The following PTPN9 variants were observed in gnomAD, a reference collection of about 807,000 sequenced individuals.
PTPN9 encodes protein tyrosine phosphatase non-receptor type 9.
PTPN9 carries 26 observed loss-of-function variants against 69.8 expected under a neutral mutation model. The observed-to-expected ratio is 0.37, with a 90% confidence interval of 0.27 to 0.52. The LOEUF (loss-of-function observed/expected upper bound fraction) is 0.52. PTPN9 is among the 20% of genes least tolerant of loss of function. The pLI is 0.91. For missense variants in PTPN9, 549 were observed against 740.3 expected, an observed-to-expected ratio of 0.74 and a Z score of 3.00; for synonymous variants, 274 against 272.5, an observed-to-expected ratio of 1.01 and a Z score of -0.05.
intron 7 of PTPN9, among the ~76,000 whole-genome samples, chr15:75,503,344 G>A (rs1459957145): frequency 2.7e-5 from 4 of 145,958 alleles, no homozygotes; most frequent in Non-Finnish European, 4.5e-5. Flanking sequence ...TCTGGGAGGT[G>A]AGGAGCGTCT....
At chr15:75,527,889 C>T (rs2074937909) in intron 1 of PTPN9, among the ~76,000 whole-genome samples, 1 of 151,214 alleles carries the variant, frequency 6.6e-6, no homozygotes, top group Non-Finnish European at 1.5e-5. Flanking sequence ...AAAAAGAAAA[C>T]AAAAAGAAAA....
intron 1 of PTPN9, among the ~76,000 whole-genome samples, chr15:75,544,112 T>C (rs1394922714): frequency 1.3e-5 from 2 of 151,990 alleles, no homozygotes; most frequent in Admixed American, 6.6e-5. Context: ...ACAGAGGAAA[T>C]AGGTAAACAA....
chr15:75,509,298 C>A (rs759776265), intron 5 of PTPN9, among the ~76,000 whole-genome samples: 88 of 152,206 alleles, frequency 5.8e-4, no homozygotes, highest in Non-Finnish European at 8.5e-4. Context: ...CAACAGATAT[C>A]CTACACATAC....
intron 5 of PTPN9, among the ~76,000 whole-genome samples, chr15:75,514,577 T>TA (rs1291488230): frequency 1.3e-5 from 2 of 151,746 alleles, no homozygotes; most frequent in Non-Finnish European, 2.9e-5. Flanking sequence ...GACCTGGTCT[T>TA]AAAAAAAAGG....
intron 1 of PTPN9, among the ~76,000 whole-genome samples, chr15:75,575,956 G>A (rs2075170860): frequency 1.3e-5 from 2 of 149,278 alleles, no homozygotes; most frequent in Non-Finnish European, 3.0e-5. Flanking sequence ...ACTCTTGGCT[G>A]GGCACAGCGG....
chr15:75,562,695 G>A (rs560134000), intron 1 of PTPN9, among the ~76,000 whole-genome samples: 1 of 151,454 alleles, frequency 6.6e-6, no homozygotes, highest in East Asian at 1.9e-4. Flanking sequence ...AGCCGGGTGT[G>A]GTGGCGGGCG....
At chr15:75,556,464 G>T (rs1209746298) in intron 1 of PTPN9, among the ~76,000 whole-genome samples, 1 of 150,342 alleles carries the variant, frequency 6.7e-6, no homozygotes, top group Non-Finnish European at 1.5e-5. Context: ...TGCAACCTCC[G>T]CCTCCCAGGT....
intron 4 of PTPN9, among the ~76,000 whole-genome samples, chr15:75,518,654 C>T (rs2074884868): frequency 6.6e-6 from 1 of 151,706 alleles, no homozygotes; most frequent in African/African-American, 2.4e-5. Flanking sequence ...CCCATTTCTA[C>T]TAAAAATACA....
At position 75,467,775 on chromosome 15, in the gene PTPN9, T is replaced by A. The variant is rs1432094893; in HGVS notation, c.*994A>T. ...AGTGAGTTCATCTCTACCCTCCGCCTCCCATCCCTGGGATAGTGAAAGCAA... is the reference window on the plus strand; with the variant it reads ...AGTGAGTTCATCTCTACCCTCCGCCACCCATCCCTGGGATAGTGAAAGCAA... On this transcript the variant is annotated 3_prime_UTR_variant, in exon 13 of 13. Transcript: ENST00000618819. 1 of 152,546 alleles carries A rather than the reference T, an allele frequency of 6.6e-6. No individual in the cohort carries two copies. Among genetic ancestry groups the A allele is most frequent in the Non-Finnish European group, 1.5e-5 (1 of 68,032 alleles). The allele number at this position is 152,546 out of a possible 1,614,324, so 9.4% of individuals were successfully genotyped here. A position where few individuals can be genotyped will look rare whatever the true frequency, so the allele number is the denominator to read the frequency against.
chr15:75,531,022 A>T (rs1436024374), intron 1 of PTPN9, among the ~76,000 whole-genome samples: 1 of 146,570 alleles, frequency 6.8e-6, no homozygotes, highest in Non-Finnish European at 1.5e-5. Flanking sequence ...CTTGGCAACA[A>T]GTCCTACCTT....
At chr15:75,497,229 C>A (rs1008863614) in intron 7 of PTPN9, among the ~76,000 whole-genome samples, 1 of 152,096 alleles carries the variant, frequency 6.6e-6, no homozygotes, top group African/African-American at 2.4e-5. Flanking sequence ...GTGGCTCATG[C>A]CTAAAATCCT....
rs116160061 is a variant in PTPN9, at chr15:75,506,055, T to C, written c.640-52A>G. On this transcript the variant is annotated intron_variant, in intron 6 of 12. Coordinates refer to ENST00000618819, the MANE Select transcript of PTPN9 (RefSeq NM_002833.4). ...GTATGTGGGAGGAGGGAAAGGCATA[T>C]AGAGTGACAAAGAATAAATGTATTT... The C allele has an allele frequency of 5.6e-4, 769 of 1,365,354 alleles. 6 individuals carry two copies. In the African/African-American group the frequency reaches 9.6e-3, roughly 17 times the overall value. 84.6% of individuals were successfully genotyped at this position (1,365,354 alleles called of 1,614,324 possible).
chr15:75,490,964 C>T (rs1265716864), intron 7 of PTPN9, among the ~76,000 whole-genome samples: 3 of 151,538 alleles, frequency 2.0e-5, no homozygotes, highest in Non-Finnish European at 2.9e-5. Context: ...AAAAAATTAG[C>T]CGGGCATCAT....
At chr15:75,470,324 T>C (rs180859767) in intron 11 of PTPN9, among the ~76,000 whole-genome samples, 98 of 152,300 alleles carry the variant, frequency 6.4e-4, no homozygotes, top group African/African-American at 2.3e-3. Flanking sequence ...CCCAGCTAAT[T>C]TGTTCTATGT....
At chr15:75,495,786 A>G (rs1182808067) in intron 7 of PTPN9, among the ~76,000 whole-genome samples, 1 of 152,076 alleles carries the variant, frequency 6.6e-6, no homozygotes, top group Non-Finnish European at 1.5e-5. Flanking sequence ...TATACAGAAA[A>G]CTAAAGGAAA....
At chr15:75,482,649 G>A (rs1003255494) in intron 8 of PTPN9, among the ~76,000 whole-genome samples, 41 of 148,440 alleles carry the variant, frequency 2.8e-4, no homozygotes, top group African/African-American at 8.1e-4. Context: ...GCGGAAGGCC[G>A]CAGGGTCCTC....
intron 1 of PTPN9, among the ~76,000 whole-genome samples, chr15:75,555,936 G>A (rs2075074984): frequency 6.6e-6 from 1 of 150,940 alleles, no homozygotes; most frequent in Admixed American, 6.7e-5. Flanking sequence ...GGAGGCTGAG[G>A]CAGGATGATC....
intron 5 of PTPN9, among the ~76,000 whole-genome samples, chr15:75,515,318 T>C (rs2074863795): frequency 6.7e-6 from 1 of 150,056 alleles, no homozygotes; most frequent in South Asian, 2.1e-4. Flanking sequence ...TCCCAACTAC[T>C]CTGGAGGCTG....
At chr15:75,500,893 A>AAAT (rs1567485040) in intron 7 of PTPN9, among the ~76,000 whole-genome samples, 10 of 152,000 alleles carry the variant, frequency 6.6e-5, no homozygotes. Context: ...TCTCTAAAAA[A>AAAT]AATAATAATA....
Sources: gnomAD v4.1 joint callset for allele counts (sites outside exome capture counted in the v4.1 genomes callset) on GRCh38, gnomAD v4.1.1 for gene constraint, MANE v1.5 for transcripts, NCBI Gene and HGNC (gene_info 2026-07-23, HGNC 2026-07-21) for gene names.